Variants in PEX7 observed in about 807,000 individuals in gnomAD.
The protein encoded by PEX7 is PTS2 receptor.
PEX7 carries 34 observed loss-of-function variants against 47.5 expected under a neutral mutation model. The observed-to-expected ratio is 0.72, with a 90% CI of 0.54 to 0.95. PEX7 has a LOEUF of 0.95. PEX7 is among the 40% of genes least tolerant of loss of function. The pLI is 0.00. For synonymous variants in PEX7, 141 were observed against 148.8 expected, an observed-to-expected ratio of 0.95 and a Z score of 0.38; for missense variants, 394 against 400.3, an observed-to-expected ratio of 0.98 and a Z score of 0.13.
intron 1 of PEX7, 69 bp downstream of exon 1, chr6:136,822,864 C>T (rs1365296406): frequency 1.6e-6 from 2 of 1,225,342 alleles, no homozygotes; most frequent in Non-Finnish European, 2.0e-6. Flanking sequence ...GGCTCCAGTT[C>T]CTCGCGCTCG....
At chr6:136,897,058 G>A (rs1775664847) in intron 8 of PEX7, among the ~76,000 whole-genome samples, 1 of 152,086 alleles carries the variant, frequency 6.6e-6, no homozygotes, top group Non-Finnish European at 1.5e-5. Context: ...GTAGATTTTG[G>A]TAATCTGATA....
intron 8 of PEX7, among the ~76,000 whole-genome samples, chr6:136,880,705 C>T (rs1409236430): frequency 6.6e-6 from 1 of 152,328 alleles, no homozygotes; most frequent in Non-Finnish European, 1.5e-5. Context: ...ATTGCCTAGA[C>T]TCTCCTCTCT....
At chr6:136,903,232 C>T (rs902902332) in intron 9 of PEX7, among the ~76,000 whole-genome samples, 1 of 152,122 alleles carries the variant, frequency 6.6e-6, no homozygotes, top group Non-Finnish European at 1.5e-5. Flanking sequence ...CCAGAAGCCT[C>T]TTCCCAAATC....
intron 5 of PEX7, chr6:136,855,632 G>T (rs1216149285): frequency 7.9e-6 from 2 of 254,704 alleles, no homozygotes; most frequent in Admixed American, 1.1e-4. Flanking sequence ...GAGCCACCGT[G>T]CCCGGCCTAT....
intron 7 of PEX7, chr6:136,870,709 A>ATTTTT: frequency 5.2e-6 from 2 of 387,026 alleles, no homozygotes; most frequent in South Asian, 1.9e-5. Flanking sequence ...AAAATTCTAA[A>ATTTTT]TTTTTTTTTC....
chr6:136,846,389 C>T (rs994637302), intron 5 of PEX7, among the ~76,000 whole-genome samples: 6 of 151,832 alleles, frequency 4.0e-5, no homozygotes, highest in South Asian at 2.1e-4. Context: ...ATGTGCACAA[C>T]GTGCGGGTTT....
intron 8 of PEX7, among the ~76,000 whole-genome samples, chr6:136,882,084 C>G (rs1775384882): frequency 6.6e-6 from 1 of 151,502 alleles, no homozygotes; most frequent in African/African-American, 2.4e-5. Context: ...TCTGTGCTCA[C>G]AAGCTCACAG....
intron 8 of PEX7, among the ~76,000 whole-genome samples, chr6:136,873,858 G>T (rs1017722089): frequency 6.6e-6 from 1 of 151,896 alleles, no homozygotes; most frequent in Admixed American, 6.6e-5. Flanking sequence ...TTTGTTGAAG[G>T]CTTTTTTTCC....
chr6:136,833,288 G>A (rs1037095519), intron 3 of PEX7, among the ~76,000 whole-genome samples: 8 of 152,120 alleles, frequency 5.3e-5, no homozygotes, highest in Admixed American at 6.6e-5. Context: ...GAAAACTCAC[G>A]ATCACTAGAA....
chr6:136,822,937 T>G (rs965679364), intron 1 of PEX7, 142 bp downstream of exon 1: 1 of 1,209,116 alleles, frequency 8.3e-7, no homozygotes, highest in Admixed American at 4.5e-5. Context: ...GAAGAGGCGC[T>G]GGTCGGCGCT....
intron 3 of PEX7, among the ~76,000 whole-genome samples, chr6:136,840,360 T>C (rs1338858694): frequency 6.6e-6 from 1 of 152,164 alleles, no homozygotes; most frequent in Non-Finnish European, 1.5e-5. Context: ...GCCTGAATTT[T>C]CTATTTATAT....
At chr6:136,882,574 G>A (rs1775396245) in intron 8 of PEX7, among the ~76,000 whole-genome samples, 1 of 150,914 alleles carries the variant, frequency 6.6e-6, no homozygotes, top group Non-Finnish European at 1.5e-5. Context: ...AATAATTGTG[G>A]GACTCAAGCA....
intron 8 of PEX7, among the ~76,000 whole-genome samples, chr6:136,873,183 T>A (rs1296280734): frequency 6.6e-6 from 1 of 152,148 alleles, no homozygotes; most frequent in African/African-American, 2.4e-5. Flanking sequence ...TTTCCAGGAT[T>A]TTCACTAAAA....
At chr6:136,823,124 C>T in intron 1 of PEX7, 1 of 985,442 alleles carries the variant, frequency 1.0e-6, no homozygotes, top group Non-Finnish European at 1.2e-6. Context: ...GCCGGGGGAG[C>T]CTGCGCGGTC....
chr6:136,905,286 CA>C (rs745605693), intron 9 of PEX7, among the ~76,000 whole-genome samples: 9 of 152,138 alleles, frequency 5.9e-5, no homozygotes, highest in Non-Finnish European at 1.3e-4. Context: ...TTCACTTATC[CA>C]CTGTTTTTAG....
intron 6 of PEX7, among the ~76,000 whole-genome samples, chr6:136,868,559 G>T (rs1775115091): frequency 6.6e-6 from 1 of 151,920 alleles, no homozygotes; most frequent in African/African-American, 2.4e-5. Context: ...AGATGTTTGG[G>T]AACTCTAAAG....
chr6:136,860,015 A>G (rs1171791850), intron 5 of PEX7, among the ~76,000 whole-genome samples: 1 of 143,816 alleles, frequency 7.0e-6, no homozygotes, highest in African/African-American at 2.5e-5. Context: ...TCTGTCTCAG[A>G]AAAAAAAAAA....
At chr6:136,853,262 G>A (rs996899375) in intron 5 of PEX7, among the ~76,000 whole-genome samples, 2 of 152,156 alleles carry the variant, frequency 1.3e-5, no homozygotes, top group Admixed American at 6.5e-5. Context: ...AATATTTACC[G>A]CCTGTGGCCC....
chr6:136,845,999 G>T, intron 4 of PEX7, 74 bp from the exon 5 acceptor site: 1 of 812,226 alleles, frequency 1.2e-6, no homozygotes, highest in South Asian at 1.4e-5. Context: ...ATAGTTTATT[G>T]GTGTATGTAG....
Sources: allele counts gnomAD v4.1 joint callset (sites outside exome capture counted in the v4.1 genomes callset), GRCh38; gene constraint gnomAD v4.1.1; transcripts MANE v1.5; gene names NCBI Gene and HGNC (gene_info 2026-07-23, HGNC 2026-07-21).